Variants in PCNX2 observed in about 807,000 individuals in gnomAD.
The protein encoded by PCNX2 is pecanex 2, also known as pecanex-like protein 2.
Under a neutral mutation model 223.8 loss-of-function variants are expected in PCNX2, and 168 were observed. That is an observed-to-expected ratio of 0.75 (90% CI 0.66 to 0.85). The LOEUF (loss-of-function observed/expected upper bound fraction) is 0.85. Among genes scored for constraint, PCNX2 ranks in the 40% least tolerant of loss-of-function variants. PCNX2 has a pLI of 0.00. For missense variants in PCNX2, 2,507 were observed against 2,675.5 expected, an observed-to-expected ratio of 0.94 and a Z score of 1.39; for synonymous variants, 1,006 against 1,052.6, an observed-to-expected ratio of 0.96 and a Z score of 0.86.
intron 32 of PCNX2, among the ~76,000 whole-genome samples, chr1:232,987,274 G>A (rs1479529033): frequency 6.6e-6 from 1 of 152,236 alleles, no homozygotes; most frequent in African/African-American, 2.4e-5. Context: ...CCCCAAAGAT[G>A]TGGTTGTGTC....
At chr1:233,185,660 G>A (rs532874978) in intron 15 of PCNX2, among the ~76,000 whole-genome samples, 2 of 152,190 alleles carry the variant, frequency 1.3e-5, no homozygotes, top group South Asian at 4.1e-4. Context: ...ACGGCTCAGA[G>A]GAAGAAGGGA....
chr1:233,305,113 T>C, the PCNX2 span, among the ~76,000 whole-genome samples: 1 of 152,158 alleles, frequency 6.6e-6, no homozygotes, highest in African/African-American at 2.4e-5. Context: ...AATAATAACA[T>C]GAAGAAAGGT....
intron 15 of PCNX2, among the ~76,000 whole-genome samples, chr1:233,191,531 GAA>G (rs1429996835): frequency 7.2e-5 from 11 of 152,170 alleles, no homozygotes; most frequent in African/African-American, 2.4e-4. Flanking sequence ...TTCAAAAAGA[GAA>G]AAGCCTGAAA....
chr1:233,054,510 G>A (rs373670627), intron 24 of PCNX2, 27 bp from the exon 25 acceptor site: 21 of 1,557,160 alleles, frequency 1.3e-5, no homozygotes, highest in Non-Finnish European at 1.8e-5. Context: ...AATATGATCA[G>A]TGAATGCCTA....
intron 8 of PCNX2, among the ~76,000 whole-genome samples, chr1:233,238,702 A>AAAG (rs2102966737): frequency 6.6e-6 from 1 of 151,894 alleles, no homozygotes; most frequent in East Asian, 1.9e-4. Context: ...TCAAAAAAAA[A>AAAG]AAAAAAGCAA....
intron 21 of PCNX2, among the ~76,000 whole-genome samples, chr1:233,131,250 T>C (rs1478499783): frequency 1.3e-5 from 2 of 152,168 alleles, no homozygotes; most frequent in Non-Finnish European, 2.9e-5. Context: ...TGAGCAAGAC[T>C]TCCATGAGTC....
chr1:233,307,931 A>G, the PCNX2 span, among the ~76,000 whole-genome samples: 7 of 152,258 alleles, frequency 4.6e-5, no homozygotes, highest in African/African-American at 1.7e-4. Context: ...ATAACATGTG[A>G]GAACTCAGAA....
intron 10 of PCNX2, among the ~76,000 whole-genome samples, chr1:233,225,230 T>G (rs2102942534): frequency 6.6e-6 from 1 of 152,210 alleles, no homozygotes; most frequent in African/African-American, 2.4e-5. Flanking sequence ...TATTTTTAAT[T>G]TTTCTTCTTT....
At chr1:233,218,396 C>A (rs546387847) in intron 10 of PCNX2, among the ~76,000 whole-genome samples, 3 of 148,472 alleles carry the variant, frequency 2.0e-5, no homozygotes, top group Admixed American at 6.8e-5. Context: ...CTACAGGCAC[C>A]CGCCACCAAG....
chr1:233,087,101 C>G (rs558003265), intron 23 of PCNX2: 6 of 985,410 alleles, frequency 6.1e-6, no homozygotes, highest in Non-Finnish European at 7.2e-6. Context: ...AGAAAAGGGA[C>G]TAGCCGTGAT....
At position 232,998,363 on chromosome 1, in the gene PCNX2, C is replaced by T. The variant is rs755759692; in HGVS notation, c.5679G>A (p.Thr1893=). ...CACTCGGGGCATTGTTGCCACCTGT[C>T]GTCGGGGCCCCTCCTCCGTCCACGT... ...IEDVDGGGAP[T]TGGNNAPSGG... is the part of the protein sequence containing the mutation. Residue 1893 remains threonine, a synonymous_variant, in exon 32 of 34, where the codon ACG becomes ACA. Coordinates refer to ENST00000258229, the MANE Select transcript of PCNX2 (RefSeq NM_014801.4). 8.1e-6 allele frequency: 13 copies of T among 1,613,274 alleles called. No individual in the cohort carries two copies. Among genetic ancestry groups the T allele is most frequent in the East Asian group, 2.2e-5 (1 of 44,828 alleles).
intron 10 of PCNX2, among the ~76,000 whole-genome samples, chr1:233,219,652 T>C (rs150352930): frequency 6.6e-6 from 1 of 152,260 alleles, no homozygotes; most frequent in East Asian, 1.9e-4. Context: ...GGATATGTTG[T>C]TGAGAGACAT....
At chr1:233,297,422 G>A (rs1662186457), upstream of PCNX2, among the ~76,000 whole-genome samples, 2 of 152,224 alleles carry the variant, frequency 1.3e-5, no homozygotes, top group African/African-American at 4.8e-5. Flanking sequence ...TTATCATATT[G>A]TAGAAATGGA....
intron 15 of PCNX2, among the ~76,000 whole-genome samples, chr1:233,188,141 C>T (rs1396003585): frequency 1.3e-5 from 2 of 152,180 alleles, no homozygotes; most frequent in African/African-American, 2.4e-5. Flanking sequence ...AGTGTGGCTG[C>T]GTCCTCTGCC....
At chr1:233,161,053 T>C (rs773310636) in intron 18 of PCNX2, among the ~76,000 whole-genome samples, 36 of 152,068 alleles carry the variant, frequency 2.4e-4, no homozygotes, top group Non-Finnish European at 4.1e-4. Flanking sequence ...CAGGAAAGGG[T>C]AAGGATAAAG....
intron 25 of PCNX2, chr1:233,031,748 C>T (rs1671272929): frequency 1.0e-6 from 1 of 985,022 alleles, no homozygotes. Context: ...TGTCTTTCTG[C>T]CAGACCTCCT....
At chr1:233,019,166 C>T in intron 26 of PCNX2, 1 of 985,414 alleles carries the variant, frequency 1.0e-6, no homozygotes, top group Non-Finnish European at 1.2e-6. Context: ...GACTTAGGCT[C>T]TCTGCTGTGA....
At chr1:233,129,247 C>T (rs145305562) in intron 21 of PCNX2, among the ~76,000 whole-genome samples, 12 of 152,346 alleles carry the variant, frequency 7.9e-5, no homozygotes, top group South Asian at 4.1e-4. Flanking sequence ...GCTTAGCACC[C>T]GGGCCAGCAG....
chr1:233,322,353 A>G, the PCNX2 span, among the ~76,000 whole-genome samples: 11 of 152,312 alleles, frequency 7.2e-5, no homozygotes, highest in East Asian at 5.8e-4. Context: ...CACGACACCA[A>G]TGCTTTTCTC....
Sources: allele counts gnomAD v4.1 joint callset (sites outside exome capture counted in the v4.1 genomes callset), GRCh38; gene constraint gnomAD v4.1.1; transcripts MANE v1.5; gene names NCBI Gene and HGNC (gene_info 2026-07-23, HGNC 2026-07-21).